The following PRMT9 variants were observed in gnomAD, a reference collection of about 807,000 sequenced individuals.
The protein encoded by PRMT9 is protein arginine N-methyltransferase 9.
In PRMT9, 59 loss-of-function variants were observed where a neutral mutation model predicts 83.2. The observed-to-expected ratio is 0.71, with a 90% confidence interval of 0.57 to 0.88. The LOEUF (loss-of-function observed/expected upper bound fraction) is 0.88. Among genes scored for constraint, PRMT9 ranks in the 40% least tolerant of loss-of-function variants. The probability of loss-of-function intolerance (pLI) is 0.00; values close to 1 mark genes in which losing one functional copy is unlikely to be tolerated. For missense variants in PRMT9, 947 were observed against 1,021.9 expected, an observed-to-expected ratio of 0.93 and a Z score of 1.00; for synonymous variants, 333 against 353.2, an observed-to-expected ratio of 0.94 and a Z score of 0.64.
In PRMT9 at chr4:147,684,010, A is replaced by T. The variant is rs1483517611; in HGVS notation, c.-23T>A. On this transcript the variant is annotated 5_prime_UTR_variant, in exon 1 of 12. Transcript: ENST00000322396. ...CATGGCAGTCACCACTTGTATGGCC[A>T]AAGGGAAGATATTTTGTAAACGTAA... 3 of 1,609,764 alleles carry T rather than the reference A, an allele frequency of 1.9e-6. No homozygotes were observed. The African/African-American group carries it at 4.0e-5, about 21-fold the overall frequency.
chr4:147,678,682 T>C (rs1736259349), intron 2 of PRMT9, among the ~76,000 whole-genome samples: 1 of 152,188 alleles, frequency 6.6e-6, no homozygotes, highest in African/African-American at 2.4e-5. Flanking sequence ...TCTAGGATTT[T>C]AGTATATGCC....
chr4:147,658,545 T>C lies in PRMT9; in HGVS notation c.1147-570A>G, dbSNP rs1424014599. Among the ~76,000 whole-genome samples the C allele has an allele frequency of 1.6e-4, 24 of 152,298 alleles. No individual in the cohort carries two copies. In the East Asian group the frequency reaches 4.4e-3, roughly 28 times the overall value. ...AAACAGGCAGGCATGACTTTTGAAA[T>C]TAAAACCTTAGTAAGATTTGTGTGT... On this transcript the variant is annotated intron_variant, in intron 7 of 11. Coordinates refer to ENST00000322396, the MANE Select transcript of PRMT9 (RefSeq NM_138364.4).
chr4:147,680,499 T>C, intron 1 of PRMT9, 28 bp from the exon 2 acceptor site: 3 of 1,519,638 alleles, frequency 2.0e-6, no homozygotes, highest in East Asian at 2.3e-5. Flanking sequence ...AAATTATGAA[T>C]TAGTCAATAA....
intron 2 of PRMT9, among the ~76,000 whole-genome samples, chr4:147,679,777 G>A (rs1277239439): frequency 6.6e-6 from 1 of 152,222 alleles, no homozygotes; most frequent in Non-Finnish European, 1.5e-5. Context: ...GAGAGACACT[G>A]TAGCAAGAAA....
At chr4:147,677,914 G>T (rs991979783) in intron 2 of PRMT9, among the ~76,000 whole-genome samples, 3 of 151,918 alleles carry the variant, frequency 2.0e-5, no homozygotes, top group Non-Finnish European at 2.9e-5. Flanking sequence ...TATCACAGGG[G>T]AGTACATTTG....
rs149181665 is a variant in PRMT9, at chr4:147,658,667, T to G, written c.1147-692A>C. Among the ~76,000 whole-genome samples the G allele has an allele frequency of 2.1e-3, 314 of 152,264 alleles. 1 individual carries two copies. The highest frequency in any genetic ancestry group is 7.2e-3 in the African/African-American group (301 of 41,558). On this transcript the variant is annotated intron_variant, in intron 7 of 11. Transcript: ENST00000322396. ...CAAACGTGTTACTTGCTATTGAAAG[T>G]CGTAACAGGTAAGGAATGCTCTTGA...
At chr4:147,649,205 G>A (rs1022712213) in intron 9 of PRMT9, among the ~76,000 whole-genome samples, 17 of 151,796 alleles carry the variant, frequency 1.1e-4, no homozygotes, top group African/African-American at 2.9e-4. Flanking sequence ...AGAGAGAGAA[G>A]AGGGAGAGAG....
chr4:147,640,717 T>C (rs1733339155), intron 10 of PRMT9, among the ~76,000 whole-genome samples: 1 of 152,076 alleles, frequency 6.6e-6, no homozygotes, highest in African/African-American at 2.4e-5. Flanking sequence ...TTATCAAAAA[T>C]TCTACCTTTA....
Position 147,684,163 on chromosome 4 carries a change from T to C in PRMT9, c.-176A>G. On this transcript the variant is annotated 5_prime_UTR_variant, in exon 1 of 12. Coordinates refer to ENST00000322396, the MANE Select transcript of PRMT9 (RefSeq NM_138364.4). ...CCCAGGCGGAAGCTCCGCCCCGTCCTGGCCCCGCGGGCGGCGCAGACCGTG... is the reference window on the plus strand; with the variant it reads ...CCCAGGCGGAAGCTCCGCCCCGTCCCGGCCCCGCGGGCGGCGCAGACCGTG... 6 of 761,216 alleles carry C rather than the reference T, an allele frequency of 7.9e-6. No homozygotes were observed. The highest frequency in any genetic ancestry group is 2.7e-5 in the East Asian group (1 of 37,276). 47.2% of individuals were successfully genotyped at this position (761,216 alleles called of 1,614,324 possible).
At position 147,657,772 on chromosome 4, in the gene PRMT9, A is replaced by C. The variant is rs530891188; in HGVS notation, c.1330+20T>G. The C allele has an allele frequency of 7.5e-6, 12 of 1,608,504 alleles. No individual in the cohort carries two copies. In the South Asian group the frequency reaches 1.3e-4, roughly 18 times the overall value. On this transcript the variant is annotated intron_variant, in intron 8 of 11. Transcript: ENST00000322396. ...GAAGATTAAAGCAAGAGGTTAAAAAAAAAAATGGACAAGACCTACCTGCAA... is the reference window on the plus strand; with the variant it reads ...GAAGATTAAAGCAAGAGGTTAAAAACAAAAATGGACAAGACCTACCTGCAA...
At chr4:147,665,743 T>A (rs1430809816) in intron 6 of PRMT9, among the ~76,000 whole-genome samples, 1 of 152,278 alleles carries the variant, frequency 6.6e-6, no homozygotes. Context: ...CTTAATAGTA[T>A]GCCATAAACT....
intron 10 of PRMT9, among the ~76,000 whole-genome samples, chr4:147,642,307 C>T (rs1019396091): frequency 3.3e-5 from 5 of 151,940 alleles, no homozygotes; most frequent in African/African-American, 7.3e-5. Context: ...GGCACGATCT[C>T]GGCTCACTGC....
At chr4:147,644,663 G>T (rs185831314) in intron 9 of PRMT9, among the ~76,000 whole-genome samples, 1 of 152,112 alleles carries the variant, frequency 6.6e-6, no homozygotes, top group Admixed American at 6.5e-5. Flanking sequence ...CCCTGAGAGT[G>T]TAACCAGGTG....
intron 7 of PRMT9, among the ~76,000 whole-genome samples, chr4:147,658,676 G>T (rs1196247566): frequency 6.6e-6 from 1 of 152,240 alleles, no homozygotes; most frequent in Non-Finnish European, 1.5e-5. Flanking sequence ...GTCGTAACAG[G>T]TAAGGAATGC....
chr4:147,648,685 G>C (rs1733897034), intron 9 of PRMT9, among the ~76,000 whole-genome samples: 1 of 152,220 alleles, frequency 6.6e-6, no homozygotes, highest in African/African-American at 2.4e-5. Context: ...GTAGGGGGCA[G>C]TCTGTGGAAC....
At position 147,683,858 on chromosome 4, in the gene PRMT9, C is replaced by A. The variant is rs1465329967; in HGVS notation, c.130G>T (p.Ala44Ser). 6 of 1,613,310 alleles carry A rather than the reference C, an allele frequency of 3.7e-6. No individual in the cohort carries two copies. The highest frequency in any genetic ancestry group is 3.3e-5 in the Admixed American group (2 of 59,950). ...AGCACGAGGAGGTAGTGGGCATAGG[C>A]AGTGCCGAAGTCCTGGACGCCCAGA... is the stretch of plus-strand genomic sequence containing the variant. ...HCLGVQDFGTAYAHYLLVLSL... is the reference protein window; with the variant it reads ...HCLGVQDFGTSYAHYLLVLSL... The change falls in exon 1 of 12, where the codon GCC (alanine) becomes TCC (serine). Residue 44 changes from alanine (A) to serine (S), a missense_variant. Ala to Ser is a moderately conservative substitution (Grantham distance 99, BLOSUM62 1). Transcript: ENST00000322396.
intron 4 of PRMT9, among the ~76,000 whole-genome samples, chr4:147,671,479 C>G (rs937083403): frequency 2.0e-5 from 3 of 152,200 alleles, no homozygotes; most frequent in Non-Finnish European, 4.4e-5. Context: ...TTGCCAGTAT[C>G]ACTCATTTAT....
intron 6 of PRMT9, among the ~76,000 whole-genome samples, chr4:147,663,401 C>T (rs776195631): frequency 2.6e-5 from 4 of 152,064 alleles, no homozygotes; most frequent in Non-Finnish European, 5.9e-5. Context: ...CTCATGCTGT[C>T]GCCCAGGCTG....
At chr4:147,679,886 A>G (rs1166537478) in intron 2 of PRMT9, among the ~76,000 whole-genome samples, 1 of 152,158 alleles carries the variant, frequency 6.6e-6, no homozygotes, top group East Asian at 1.9e-4. Context: ...AAGGCTTCTT[A>G]CCCTACTACA....
Sources: allele counts gnomAD v4.1 joint callset (sites outside exome capture counted in the v4.1 genomes callset), GRCh38; gene constraint gnomAD v4.1.1; transcripts MANE v1.5; gene names NCBI Gene and HGNC (gene_info 2026-07-23, HGNC 2026-07-21).